STAB2: variants seen among roughly 807,000 people sequenced by gnomAD.
The protein encoded by STAB2 is stabilin 2, also known as stabilin-2.
STAB2 carries 288 observed loss-of-function variants against 338.1 expected under a neutral mutation model. That is an observed-to-expected ratio of 0.85 (90% CI 0.77 to 0.94). STAB2 has a LOEUF of 0.94. Among genes scored for constraint, STAB2 ranks in the 40% least tolerant of loss-of-function variants. The probability of loss-of-function intolerance (pLI) is 0.00; values close to 1 mark genes in which losing one functional copy is unlikely to be tolerated. For missense variants in STAB2, 3,141 were observed against 3,210.1 expected (o/e 0.98, Z 0.52); for synonymous variants, 1,202 against 1,193.3 (o/e 1.01, Z -0.15).
At chr12:103,649,160 T>C (rs2138722893) in intron 10 of STAB2, among the ~76,000 whole-genome samples, 1 of 152,274 alleles carries the variant, frequency 6.6e-6, no homozygotes, top group South Asian at 2.1e-4. Flanking sequence ...CTTGACCTTC[T>C]AGATCCTTCA....
At chr12:103,710,987 C>A (rs1879801112) in intron 39 of STAB2, among the ~76,000 whole-genome samples, 1 of 152,118 alleles carries the variant, frequency 6.6e-6, no homozygotes, top group Non-Finnish European at 1.5e-5. Flanking sequence ...GTGTGCAAAG[C>A]CCTGATTTTC....
chr12:103,761,207 C>A (rs1884510048), intron 65 of STAB2, 93 bp from the exon 66 acceptor site: 2 of 1,170,158 alleles, frequency 1.7e-6, no homozygotes, highest in Non-Finnish European at 2.5e-6. Flanking sequence ...GAAACATGGG[C>A]TCAGGGGCCT....
intron 65 of STAB2, among the ~76,000 whole-genome samples, chr12:103,761,060 C>T (rs750219966): frequency 6.6e-6 from 1 of 152,166 alleles, no homozygotes; most frequent in Non-Finnish European, 1.5e-5. Context: ...ATCTGTCAGA[C>T]AAGTGGGTTG....
chr12:103,736,823 A>G (rs906319007), intron 52 of STAB2, among the ~76,000 whole-genome samples: 2 of 152,056 alleles, frequency 1.3e-5, no homozygotes, highest in Non-Finnish European at 2.9e-5. Context: ...CATCCCATCC[A>G]TAGATGCTGG....
intron 3 of STAB2, 65 bp from the exon 4 acceptor site, chr12:103,620,403 C>A: frequency 1.4e-6 from 2 of 1,410,782 alleles, no homozygotes; most frequent in Non-Finnish European, 1.9e-6. Flanking sequence ...GGTGTTTAAG[C>A]GCATCCTTGC....
chr12:103,618,394 C>T (rs566694199), intron 3 of STAB2, among the ~76,000 whole-genome samples: 1 of 152,288 alleles, frequency 6.6e-6, no homozygotes, highest in African/African-American at 2.4e-5. Flanking sequence ...ATTGGACTTC[C>T]CAGACTACAG....
At position 103,594,507 on chromosome 12, in the gene STAB2, A is replaced by T. The variant is rs17034186; in HGVS notation, c.328A>T (p.Ile110Leu). ...TCCTGGCCGCTGGGGCCCAGACTGT[A>T]TAGGTAAGTGGCACAATGCTTGGAC... ...CCPGRWGPDC[I>L]ECPGGAGSPC... Residue 110 changes from isoleucine (I) to leucine (L), a missense_variant, in exon 3 of 69, where the codon ATA (isoleucine) becomes TTA (leucine). By Grantham distance (5) the Ile-to-Leu change is conservative. Transcript: ENST00000388887. 17 of 1,612,084 alleles carry T rather than the reference A, an allele frequency of 1.1e-5. No individual in the cohort carries two copies. The highest frequency in any genetic ancestry group is 1.4e-5 in the Non-Finnish European group (17 of 1,178,296).
chr12:103,720,695 C>T (rs574589787), intron 44 of STAB2, among the ~76,000 whole-genome samples: 2 of 152,302 alleles, frequency 1.3e-5, no homozygotes, highest in African/African-American at 2.4e-5. Context: ...CTGAGTTAGT[C>T]CCCAGTCCAA....
At chr12:103,615,394 G>A (rs2138614059) in intron 3 of STAB2, among the ~76,000 whole-genome samples, 1 of 152,304 alleles carries the variant, frequency 6.6e-6, no homozygotes, top group South Asian at 2.1e-4. Flanking sequence ...ATGTAGGTCT[G>A]AGAAAAATTG....
rs559343507 is a variant in STAB2, at chr12:103,730,121, G to A, written c.5088G>A (p.Thr1696=). 124 of 1,584,666 alleles carry A rather than the reference G, an allele frequency of 7.8e-5. No individual in the cohort carries two copies. The highest frequency in any genetic ancestry group is 1.1e-4 in the East Asian group (5 of 43,662). The change falls in exon 49 of 69, where the codon ACG becomes ACA. Residue 1696 remains threonine (T), a synonymous_variant. Transcript: ENST00000388887. Reference sequence around the variant, plus strand: ...TTGTTTTTGGTTGATTTCAGAGCACGGTGTATATAAACAATAAGGCTAAGA... The same window carrying A: ...TTGTTTTTGGTTGATTTCAGAGCACAGTGTATATAAACAATAAGGCTAAGA... ...EPIVISVSQS[T]VYINNKAKII... is the part of the protein sequence containing the mutation.
At chr12:103,720,353 A>G (rs1377180673) in intron 44 of STAB2, among the ~76,000 whole-genome samples, 2 of 152,162 alleles carry the variant, frequency 1.3e-5, no homozygotes, top group African/African-American at 2.4e-5. Context: ...AAGATTGTAA[A>G]ATTATAGGCC....
intron 1 of STAB2, among the ~76,000 whole-genome samples, chr12:103,590,334 G>T (rs1956776332): frequency 6.6e-6 from 1 of 152,180 alleles, no homozygotes; most frequent in Non-Finnish European, 1.5e-5. Flanking sequence ...AACAGAGAAA[G>T]ATCCCTGCTC....
intron 68 of STAB2, chr12:103,763,813 A>G: frequency 2.0e-6 from 1 of 492,482 alleles, no homozygotes; most frequent in South Asian, 3.0e-5. Context: ...GGTAGACAGC[A>G]GAATCCTTGA....
At chr12:103,602,469 T>C (rs1956968029) in intron 3 of STAB2, among the ~76,000 whole-genome samples, 1 of 152,230 alleles carries the variant, frequency 6.6e-6, no homozygotes, top group African/African-American at 2.4e-5. Flanking sequence ...AGTTTTCACT[T>C]CATTTTGGTA....
chr12:103,595,434 T>C (rs1471121793), intron 3 of STAB2, among the ~76,000 whole-genome samples: 1 of 152,236 alleles, frequency 6.6e-6, no homozygotes, highest in Non-Finnish European at 1.5e-5. Context: ...AATATCAATT[T>C]GTATTCTGTC....
chr12:103,729,218 G>A (rs549493613), intron 48 of STAB2, among the ~76,000 whole-genome samples: 92 of 152,264 alleles, frequency 6.0e-4, no homozygotes, highest in Non-Finnish European at 9.8e-4. Flanking sequence ...AGTGGGAGGA[G>A]GGAGAGGATC....
chr12:103,722,084 G>A (rs940745437), intron 44 of STAB2, among the ~76,000 whole-genome samples: 1 of 152,164 alleles, frequency 6.6e-6, no homozygotes, highest in African/African-American at 2.4e-5. Context: ...GATCATGACA[G>A]AGGTACAAAC....
intron 40 of STAB2, 137 bp downstream of exon 40, chr12:103,711,653 CTA>C (rs1879872903): frequency 4.1e-6 from 4 of 984,600 alleles, no homozygotes; most frequent in South Asian, 1.6e-5. Flanking sequence ...GAGTATGAAA[CTA>C]AAAATATCTC....
At chr12:103,637,628 G>A (rs1002741756) in intron 7 of STAB2, among the ~76,000 whole-genome samples, 7 of 152,116 alleles carry the variant, frequency 4.6e-5, no homozygotes, top group Admixed American at 3.9e-4. Context: ...AACCTGCCGT[G>A]TCTCAGTTTT....
Sources: gnomAD v4.1 joint callset for allele counts (sites outside exome capture counted in the v4.1 genomes callset) on GRCh38, gnomAD v4.1.1 for gene constraint, MANE v1.5 for transcripts, NCBI Gene and HGNC (gene_info 2026-07-23, HGNC 2026-07-21) for gene names.